Variants in CSMD1 observed in about 807,000 individuals in gnomAD.
CSMD1 encodes the protein CUB and sushi domain-containing protein 1.
CSMD1 carries 213 observed loss-of-function variants against 417.5 expected under a neutral mutation model. The ratio of observed to expected loss-of-function variants is 0.51; its 90% CI spans 0.46 to 0.57. The LOEUF is 0.57. CSMD1 is among the 20% of genes least tolerant of loss of function. The pLI is 0.00. For synonymous variants in CSMD1, 2,862 were observed against 1,736.8 expected (o/e 1.65, Z -16.11); for missense variants, 6,923 against 4,529.7 (o/e 1.53, Z -15.17).
At chr8:3,675,069 G>A (rs926738841) in intron 7 of CSMD1, among the ~76,000 whole-genome samples, 1 of 152,096 alleles carries the variant, frequency 6.6e-6, no homozygotes, top group African/African-American at 2.4e-5. Context: ...GAAACCTGAC[G>A]AATACCGTCG....
At chr8:2,969,205 A>C (rs546941285) in intron 57 of CSMD1, among the ~76,000 whole-genome samples, 92 of 152,288 alleles carry the variant, frequency 6.0e-4, no homozygotes, top group African/African-American at 2.2e-3. Context: ...GATCTGATGT[A>C]TTAGTGGTAG....
chr8:4,807,279 C>A (rs1471759226), intron 1 of CSMD1, among the ~76,000 whole-genome samples: 2 of 152,156 alleles, frequency 1.3e-5, no homozygotes, highest in Non-Finnish European at 2.9e-5. Flanking sequence ...GCCACATTGA[C>A]TTTGGACATG....
At chr8:4,805,628 C>T (rs1297245029) in intron 1 of CSMD1, among the ~76,000 whole-genome samples, 2 of 152,170 alleles carry the variant, frequency 1.3e-5, no homozygotes, top group African/African-American at 2.4e-5. Flanking sequence ...ATTAAATTAC[C>T]TAGTGCTTGT....
chr8:3,948,343 G>T (rs985134625), intron 5 of CSMD1, among the ~76,000 whole-genome samples: 3 of 152,106 alleles, frequency 2.0e-5, no homozygotes, highest in African/African-American at 7.2e-5. Flanking sequence ...TGGGACAGAG[G>T]CTTTAATAAA....
intron 1 of CSMD1, among the ~76,000 whole-genome samples, chr8:4,789,631 G>A (rs1797589212): frequency 6.6e-6 from 1 of 152,060 alleles, no homozygotes; most frequent in African/African-American, 2.4e-5. Context: ...AGTTTGTGTT[G>A]CATTTTTGAA....
chr8:3,983,431 C>T (rs931289363), intron 5 of CSMD1, among the ~76,000 whole-genome samples: 12 of 152,048 alleles, frequency 7.9e-5, no homozygotes, highest in African/African-American at 2.9e-4. Flanking sequence ...CGCCCGGCCG[C>T]AGCCTCCCAC....
chr8:3,455,801 A>G (rs962357910), intron 12 of CSMD1, among the ~76,000 whole-genome samples: 1 of 152,202 alleles, frequency 6.6e-6, no homozygotes, highest in Non-Finnish European at 1.5e-5. Context: ...TCAGATCTCA[A>G]GCTGCATGCT....
At chr8:2,991,337 A>G (rs1806367351) in intron 54 of CSMD1, among the ~76,000 whole-genome samples, 1 of 152,214 alleles carries the variant, frequency 6.6e-6, no homozygotes, top group Admixed American at 6.5e-5. Context: ...AAACACACTA[A>G]ATATACATCT....
rs576393261 is a variant in CSMD1, at chr8:3,387,495, G to A, written c.2781C>T (p.Asp927=). 7.5e-5 allele frequency: 120 copies of A among 1,596,360 alleles called. No individual in the cohort carries two copies. The highest frequency in any genetic ancestry group is 6.8e-4 in the Admixed American group (39 of 57,736). ...ATTGCCTCACTGAGCTGTACCTACC[G>A]TCGCAGCTGGGCAAGGCGTGGTTCC... The part of the protein sequence containing the change: ...HQWNHALPSC[D]ALCGGYIQGK... The change falls in exon 18 of 70, where the codon GAC becomes GAT. Residue 927 remains aspartate (D), a splice_region_variant and synonymous_variant. Coordinates refer to ENST00000635120, the MANE Select transcript of CSMD1 (RefSeq NM_033225.6).
chr8:4,211,309 G>A (rs926152069), intron 3 of CSMD1, among the ~76,000 whole-genome samples: 1 of 151,672 alleles, frequency 6.6e-6, no homozygotes, highest in African/African-American at 2.4e-5. Flanking sequence ...TCTTTAATCT[G>A]CTATCATTAT....
chr8:3,772,708 C>T lies in CSMD1; in HGVS notation c.819-18666G>A, dbSNP rs978034586. ...ATATATATACAAATATATACACACACACATATATATATATACACACACATA... is the reference window on the plus strand; with the variant it reads ...ATATATATACAAATATATACACACATACATATATATATATACACACACATA... On this transcript the variant is annotated intron_variant, in intron 5 of 69. Coordinates refer to ENST00000635120, the MANE Select transcript of CSMD1 (RefSeq NM_033225.6). Among the ~76,000 whole-genome samples, 5 of 145,780 alleles carry T rather than the reference C, an allele frequency of 3.4e-5. No individual in the cohort carries two copies. In the East Asian group the frequency reaches 9.9e-4, roughly 29 times the overall value.
At chr8:4,419,198 C>T (rs1471744287) in intron 3 of CSMD1, among the ~76,000 whole-genome samples, 1 of 152,144 alleles carries the variant, frequency 6.6e-6, no homozygotes, top group Non-Finnish European at 1.5e-5. Flanking sequence ...TTTAAATTTA[C>T]AGACTCCAGA....
chr8:2,986,214 T>C (rs996138367), intron 54 of CSMD1, among the ~76,000 whole-genome samples: 3 of 152,196 alleles, frequency 2.0e-5, no homozygotes, highest in African/African-American at 4.8e-5. Flanking sequence ...GAAGAGGAAA[T>C]TCAGATTCCC....
intron 49 of CSMD1, among the ~76,000 whole-genome samples, chr8:3,054,143 T>C (rs1296721081): frequency 1.3e-5 from 2 of 152,224 alleles, no homozygotes; most frequent in South Asian, 4.1e-4. Flanking sequence ...TCCGGTATTG[T>C]TGGAGTTCCT....
At chr8:4,778,301 G>C (rs370446819) in intron 1 of CSMD1, among the ~76,000 whole-genome samples, 1 of 152,032 alleles carries the variant, frequency 6.6e-6, no homozygotes, top group Non-Finnish European at 1.5e-5. Context: ...AAATAAAAAG[G>C]TCAGAGCTAT....
intron 5 of CSMD1, among the ~76,000 whole-genome samples, chr8:3,966,109 T>G (rs541484381): frequency 2.6e-5 from 4 of 152,284 alleles, no homozygotes; most frequent in Non-Finnish European, 5.9e-5. Flanking sequence ...TACTTCATAA[T>G]TTAGGGAATA....
At chr8:4,971,913 T>C (rs1254873531) in intron 1 of CSMD1, among the ~76,000 whole-genome samples, 2 of 152,078 alleles carry the variant, frequency 1.3e-5, no homozygotes, top group East Asian at 1.9e-4. Context: ...ACTTAGGACA[T>C]TTTCTATAAA....
chr8:3,547,295 A>T (rs1798708145), intron 10 of CSMD1, among the ~76,000 whole-genome samples: 1 of 152,250 alleles, frequency 6.6e-6, no homozygotes. Context: ...CGACAAGAAA[A>T]TGAAATGAAT....
intron 4 of CSMD1, among the ~76,000 whole-genome samples, chr8:4,016,924 G>A (rs919603433): frequency 6.6e-6 from 1 of 152,188 alleles, no homozygotes; most frequent in Non-Finnish European, 1.5e-5. Context: ...AATCCCAATT[G>A]TTGAAATCTC....
Sources: allele counts gnomAD v4.1 joint callset (sites outside exome capture counted in the v4.1 genomes callset), GRCh38; gene constraint gnomAD v4.1.1; transcripts MANE v1.5; gene names NCBI Gene and HGNC (gene_info 2026-07-23, HGNC 2026-07-21).